The following ERBB4 variants were observed in gnomAD, a reference collection of about 807,000 sequenced individuals.
ERBB4 encodes the protein receptor tyrosine-protein kinase erbB-4.
A neutral mutation model predicts 158.0 loss-of-function variants in ERBB4; 42 were observed. The ratio of observed to expected loss-of-function variants is 0.27; its 90% CI spans 0.21 to 0.34. The LOEUF is 0.34. Among genes scored for constraint, ERBB4 ranks in the 10% least tolerant of loss-of-function variants. The pLI is 1.00. For missense variants in ERBB4, 1,333 were observed against 1,624.1 expected (o/e 0.82, Z 3.08); for synonymous variants, 583 against 558.7 (o/e 1.04, Z -0.61).
intron 1 of ERBB4, among the ~76,000 whole-genome samples, chr2:212,535,063 T>C (rs532524474): frequency 1.3e-5 from 2 of 152,028 alleles, no homozygotes; most frequent in Non-Finnish European, 2.9e-5. Flanking sequence ...ATGATTAAAA[T>C]AAATAAAAGC....
intron 9 of ERBB4, among the ~76,000 whole-genome samples, chr2:211,705,865 T>G (rs553542979): frequency 1.3e-5 from 2 of 152,266 alleles, no homozygotes; most frequent in East Asian, 3.9e-4. Flanking sequence ...ATTGACATCT[T>G]TTTTTTCTGT....
intron 2 of ERBB4, among the ~76,000 whole-genome samples, chr2:212,003,093 CAGAGACAG>C: frequency 1.0e-5 from 1 of 99,670 alleles, no homozygotes; most frequent in Non-Finnish European, 2.1e-5. Context: ...GAAAGAGAGA[CAGAGACAG>C]AAAGAAAGAA....
chr2:211,942,916 C>T (rs375437465), intron 3 of ERBB4, among the ~76,000 whole-genome samples: 1 of 152,010 alleles, frequency 6.6e-6, no homozygotes, highest in South Asian at 2.1e-4. Flanking sequence ...TAAATTCGTA[C>T]CTAGGTTATC....
chr2:211,401,346 T>G (rs2063038295), intron 25 of ERBB4, among the ~76,000 whole-genome samples: 3 of 152,070 alleles, frequency 2.0e-5, no homozygotes, highest in Admixed American at 2.0e-4. Context: ...CATTAGAAAT[T>G]CACATTTTTT....
intron 2 of ERBB4, among the ~76,000 whole-genome samples, chr2:212,037,444 AACAACACTAAAGCTAT>A (rs2077041482): frequency 6.6e-6 from 1 of 152,234 alleles, no homozygotes; most frequent in Non-Finnish European, 1.5e-5. Flanking sequence ...GCATCTCAAA[AACAACACTAAAGCTAT>A]TATGTTCAAT....
At chr2:212,190,074 CTA>C (rs1402372511) in intron 1 of ERBB4, among the ~76,000 whole-genome samples, 11 of 152,078 alleles carry the variant, frequency 7.2e-5, no homozygotes, top group African/African-American at 2.2e-4. Context: ...AGTGAAAGTT[CTA>C]TGTTACTTTT....
At chr2:212,403,706 T>A (rs766411555) in intron 1 of ERBB4, among the ~76,000 whole-genome samples, 2 of 152,010 alleles carry the variant, frequency 1.3e-5, no homozygotes, top group Admixed American at 6.6e-5. Context: ...CAGAGTAGAA[T>A]GGTGACTGCC....
intron 1 of ERBB4, among the ~76,000 whole-genome samples, chr2:212,416,322 G>C (rs2091651302): frequency 6.6e-6 from 1 of 152,132 alleles, no homozygotes; most frequent in Non-Finnish European, 1.5e-5. Context: ...TCCTGCCTTT[G>C]ATAGAAATGT....
intron 1 of ERBB4, among the ~76,000 whole-genome samples, chr2:212,536,093 A>G (rs1416549917): frequency 4.6e-5 from 7 of 152,090 alleles, no homozygotes; most frequent in Non-Finnish European, 7.4e-5. Context: ...TCCGCACTTA[A>G]TTTCTCATTT....
intron 1 of ERBB4, among the ~76,000 whole-genome samples, chr2:212,231,659 A>T (rs544509495): frequency 6.6e-6 from 1 of 152,324 alleles, no homozygotes; most frequent in African/African-American, 2.4e-5. Flanking sequence ...GGTCTGATAG[A>T]AGCATATGAC....
At chr2:211,945,716 T>C (rs2080669798) in intron 3 of ERBB4, among the ~76,000 whole-genome samples, 1 of 152,084 alleles carries the variant, frequency 6.6e-6, no homozygotes, top group South Asian at 2.1e-4. Flanking sequence ...ATAATTTTGA[T>C]TGATTAAATA....
chr2:212,516,401 T>C (rs1034539498), intron 1 of ERBB4, among the ~76,000 whole-genome samples: 1 of 151,962 alleles, frequency 6.6e-6, no homozygotes, highest in African/African-American at 2.4e-5. Flanking sequence ...TTGTATGGAG[T>C]AATTCTTTGG....
At chr2:211,872,120 C>T (rs1184653668) in intron 3 of ERBB4, among the ~76,000 whole-genome samples, 9 of 152,054 alleles carry the variant, frequency 5.9e-5, no homozygotes, top group Admixed American at 2.6e-4. Context: ...AATATCATTC[C>T]GTGCTTGCTA....
intron 2 of ERBB4, among the ~76,000 whole-genome samples, chr2:211,980,602 G>A (rs1216999214): frequency 3.3e-5 from 5 of 152,040 alleles, no homozygotes; most frequent in Non-Finnish European, 5.9e-5. Context: ...CCTGATATGT[G>A]TACCTGTTGT....
intron 20 of ERBB4, among the ~76,000 whole-genome samples, chr2:211,545,755 C>A (rs2066924822): frequency 1.3e-5 from 2 of 152,054 alleles, no homozygotes; most frequent in South Asian, 2.1e-4. Flanking sequence ...GAAAGTACAC[C>A]AGGAGTGGGT....
intron 2 of ERBB4, among the ~76,000 whole-genome samples, chr2:211,964,391 C>T (rs2081260276): frequency 6.6e-6 from 1 of 152,158 alleles, no homozygotes; most frequent in Non-Finnish European, 1.5e-5. Flanking sequence ...AATTTGCTAA[C>T]TTTCAACAGA....
At position 211,980,651 on chromosome 2, in the gene ERBB4, T is replaced by C. The variant is rs560138201; in HGVS notation, c.235-33035A>G. 2.8e-4 allele frequency among the ~76,000 whole-genome samples: 43 copies of C among 152,284 alleles called. 1 individual carries two copies. In the South Asian group the frequency reaches 5.2e-3, roughly 18 times the overall value. On this transcript the variant is annotated intron_variant, in intron 2 of 27. Transcript: ENST00000342788. ...TATAGATGCTCTATTTCACCAGATA[T>C]AGCAAGACACCTCCTTAGATTCAGT...
At chr2:212,317,172 T>A (rs1383546915) in intron 1 of ERBB4, among the ~76,000 whole-genome samples, 1 of 151,398 alleles carries the variant, frequency 6.6e-6, no homozygotes, top group Non-Finnish European at 1.5e-5. Context: ...AAGTTCAGAT[T>A]TTTTTTTCCA....
At chr2:211,579,266 C>T (rs1029405805) in intron 19 of ERBB4, among the ~76,000 whole-genome samples, 4 of 152,012 alleles carry the variant, frequency 2.6e-5, no homozygotes, top group Non-Finnish European at 5.9e-5. Context: ...TCATGCCCGT[C>T]AGAATAGCGA....
Sources: allele counts gnomAD v4.1 joint callset (sites outside exome capture counted in the v4.1 genomes callset), GRCh38; gene constraint gnomAD v4.1.1; transcripts MANE v1.5; gene names NCBI Gene and HGNC (gene_info 2026-07-23, HGNC 2026-07-21).